The following GLIS3 variants were observed in gnomAD, a reference collection of about 807,000 sequenced individuals.
GLIS3 encodes the protein zinc finger protein GLIS3.
In GLIS3, 53 loss-of-function variants were observed where a neutral mutation model predicts 78.6. The ratio of observed to expected loss-of-function variants is 0.67; its 90% CI spans 0.54 to 0.85. GLIS3 has a LOEUF of 0.85. GLIS3 is among the 40% of genes least tolerant of loss of function. The probability of loss-of-function intolerance (pLI) is 0.00; values close to 1 mark genes in which losing one functional copy is unlikely to be tolerated. For missense variants in GLIS3, 1,703 were observed against 1,231.1 expected (o/e 1.38, Z -5.74); for synonymous variants, 684 against 509.9 (o/e 1.34, Z -4.60).
intron 4 of GLIS3, among the ~76,000 whole-genome samples, chr9:4,112,290 A>G (rs1204309415): frequency 6.6e-6 from 1 of 152,208 alleles, no homozygotes. Flanking sequence ...ATTTTATTAC[A>G]AGAGAACATT....
At chr9:4,406,988 C>A in the GLIS3 span, among the ~76,000 whole-genome samples, 1 of 152,120 alleles carries the variant, frequency 6.6e-6, no homozygotes, top group South Asian at 2.1e-4. Context: ...ATAGCCAAAG[C>A]TATCCTGAGA....
chr9:3,908,833 TTAAG>T (rs1823929377), intron 6 of GLIS3, among the ~76,000 whole-genome samples: 1 of 147,210 alleles, frequency 6.8e-6, no homozygotes, highest in African/African-American at 2.5e-5. Context: ...TCGTCCAAGA[TTAAG>T]TGAGTCAAGT....
chr9:3,912,589 T>C (rs183007850), intron 6 of GLIS3, among the ~76,000 whole-genome samples: 1 of 152,348 alleles, frequency 6.6e-6, no homozygotes, highest in East Asian at 1.9e-4. Context: ...AATTTTTGTA[T>C]TGTTACATTT....
intron 9 of GLIS3, among the ~76,000 whole-genome samples, chr9:3,831,188 T>C (rs894573896): frequency 1.3e-5 from 2 of 152,216 alleles, no homozygotes; most frequent in Admixed American, 1.3e-4. Flanking sequence ...AAATGCTTGT[T>C]ATTAGTATAG....
chr9:4,083,757 T>A (rs1828754576), intron 4 of GLIS3, among the ~76,000 whole-genome samples: 1 of 152,164 alleles, frequency 6.6e-6, no homozygotes, highest in African/African-American at 2.4e-5. Flanking sequence ...CTGCAGAAAG[T>A]GCAAGGAGAG....
intron 4 of GLIS3, among the ~76,000 whole-genome samples, chr9:4,042,068 CAGTCCTCAATA>C (rs1432728736): frequency 6.6e-6 from 1 of 152,150 alleles, no homozygotes; most frequent in Non-Finnish European, 1.5e-5. Flanking sequence ...GCCTCATCTA[CAGTCCTCAATA>C]AGATTTCTGA....
intron 2 of GLIS3, among the ~76,000 whole-genome samples, chr9:4,344,534 C>A (rs1183783741): frequency 6.6e-6 from 1 of 152,222 alleles, no homozygotes; most frequent in Non-Finnish European, 1.5e-5. Flanking sequence ...GGCCTGTTTT[C>A]TTCTCTTTCA....
intron 2 of GLIS3, among the ~76,000 whole-genome samples, chr9:4,197,337 A>C (rs896466875): frequency 2.0e-5 from 3 of 152,044 alleles, no homozygotes; most frequent in Non-Finnish European, 4.4e-5. Flanking sequence ...AGTAGCCTAA[A>C]CTGCCCTACC....
At chr9:4,212,572 G>T (rs1820470241) in intron 2 of GLIS3, among the ~76,000 whole-genome samples, 1 of 152,190 alleles carries the variant, frequency 6.6e-6, no homozygotes, top group South Asian at 2.1e-4. Context: ...ATGGCACACA[G>T]GTGGCGCCTC....
At chr9:4,248,773 C>A (rs1361431238) in intron 2 of GLIS3, among the ~76,000 whole-genome samples, 1 of 152,150 alleles carries the variant, frequency 6.6e-6, no homozygotes, top group African/African-American at 2.4e-5. Context: ...TTTTTAATGA[C>A]CGCCATTCCA....
intron 2 of GLIS3, among the ~76,000 whole-genome samples, chr9:4,344,413 T>C (rs1817874784): frequency 6.6e-6 from 1 of 152,210 alleles, no homozygotes; most frequent in Admixed American, 6.5e-5. Context: ...CCTTGAAATA[T>C]TCTCTACTTG....
In GLIS3 at chr9:4,343,347, A is replaced by C. The variant is rs987273931; in HGVS notation, n.264+3734T>G. Among the ~76,000 whole-genome samples the C allele has an allele frequency of 2.0e-5, 3 of 152,132 alleles. No individual in the cohort carries two copies. The South Asian group carries it at 6.2e-4, about 32-fold the overall frequency. ...ACAGAGCTAGCACCTGTCTCAACAA[A>C]ACAAAACAAAACAATGAGATACTAT... On this transcript the variant is annotated intron_variant and non_coding_transcript_variant, in intron 2 of 4. Transcript: ENST00000471664.
chr9:4,263,252 G>A (rs1474022240), intron 2 of GLIS3, among the ~76,000 whole-genome samples: 3 of 152,304 alleles, frequency 2.0e-5, no homozygotes, highest in Non-Finnish European at 1.5e-5. Flanking sequence ...GGGACAGAGA[G>A]GACAGGTGAT....
At chr9:4,222,846 T>C (rs1228342318) in intron 2 of GLIS3, among the ~76,000 whole-genome samples, 2 of 152,228 alleles carry the variant, frequency 1.3e-5, no homozygotes, top group Admixed American at 1.3e-4. Flanking sequence ...TCAGTAAGAT[T>C]CTAGCATTCC....
At chr9:4,432,533 T>C in the GLIS3 span, among the ~76,000 whole-genome samples, 1 of 151,998 alleles carries the variant, frequency 6.6e-6, no homozygotes, top group African/African-American at 2.4e-5. Flanking sequence ...TCAGCAGCAA[T>C]AGGGACCCAT....
chr9:3,958,267 G>C (rs905308097), intron 4 of GLIS3, among the ~76,000 whole-genome samples: 2 of 151,980 alleles, frequency 1.3e-5, no homozygotes, highest in African/African-American at 4.8e-5. Context: ...AAGATGAGAG[G>C]AAGAAAAAAA....
the GLIS3 span, among the ~76,000 whole-genome samples, chr9:4,484,404 A>ATT: frequency 5.6e-3 from 280 of 49,776 alleles, 1 homozygote; most frequent in Admixed American, 8.2e-3. Flanking sequence ...TGCCAGGCTA[A>ATT]TTTTTTTTTT....
At chr9:4,400,904 A>G in the GLIS3 span, among the ~76,000 whole-genome samples, 7 of 152,194 alleles carry the variant, frequency 4.6e-5, no homozygotes, top group Non-Finnish European at 1.0e-4. Flanking sequence ...TCCCTGAATA[A>G]CCAGCAGCAA....
chr9:4,012,922 G>A (rs181790243), intron 4 of GLIS3, among the ~76,000 whole-genome samples: 93 of 151,708 alleles, frequency 6.1e-4, no homozygotes, highest in Non-Finnish European at 1.2e-3. Flanking sequence ...ACAGGTGCCC[G>A]CCACCACGCC....
Sources: gnomAD v4.1 joint callset for allele counts (sites outside exome capture counted in the v4.1 genomes callset) on GRCh38, gnomAD v4.1.1 for gene constraint, MANE v1.5 for transcripts, NCBI Gene and HGNC (gene_info 2026-07-23, HGNC 2026-07-21) for gene names.